The following FAM118B variants were observed in gnomAD, a reference collection of about 807,000 sequenced individuals.
FAM118B encodes SIR2 antiphage like 1, also known as protein FAM118B.
In FAM118B, 24 loss-of-function variants were observed where a neutral mutation model predicts 38.5. The ratio of observed to expected loss-of-function variants is 0.62; its 90% CI spans 0.45 to 0.88. The LOEUF (loss-of-function observed/expected upper bound fraction) is 0.88. FAM118B is among the 40% of genes least tolerant of loss of function. The pLI is 0.00. For missense variants in FAM118B, 334 were observed against 420.0 expected, an observed-to-expected ratio of 0.80 and a Z score of 1.79; for synonymous variants, 138 against 156.3, an observed-to-expected ratio of 0.88 and a Z score of 0.87.
In FAM118B at chr11:126,256,135, G is replaced by A. The variant is rs993671296; in HGVS notation, c.697-432G>A. Among the ~76,000 whole-genome samples the A allele has an allele frequency of 6.6e-5, 10 of 152,144 alleles. No homozygotes were observed. Among genetic ancestry groups the A allele is most frequent in the Non-Finnish European group, 1.2e-4 (8 of 68,020 alleles). ...AACATTCAAAAATTAGCTGGGTGTG[G>A]TGGTGCACACTTGTAATATACTCGG... is the stretch of plus-strand genomic sequence containing the variant. On this transcript the variant is annotated intron_variant, in intron 6 of 8. Coordinates refer to ENST00000533050, the MANE Select transcript of FAM118B (RefSeq NM_024556.4). This position sits in a 1 kb window ranked among gnomAD's most constrained non-coding sequence, Gnocchi z 6.6.
intron 4 of FAM118B, 72 bp downstream of exon 4, chr11:126,241,116 G>T: frequency 1.4e-6 from 2 of 1,465,166 alleles, no homozygotes; most frequent in East Asian, 2.3e-5. Context: ...GCATGATTTG[G>T]CTGTCAAAAC....
At chr11:126,261,563 T>A in intron 8 of FAM118B, 79 bp downstream of exon 8, 1 of 1,261,578 alleles carries the variant, frequency 7.9e-7, no homozygotes, top group Non-Finnish European at 1.1e-6. Flanking sequence ...ATATAGAGAA[T>A]GTTACTTTGG....
chr11:126,239,090 C>T (rs1360656319), intron 3 of FAM118B, among the ~76,000 whole-genome samples: 1 of 150,936 alleles, frequency 6.6e-6, no homozygotes, highest in African/African-American at 2.4e-5. Flanking sequence ...CTCCCGTGAA[C>T]TTAGCCTCCC....
At position 126,261,443 on chromosome 11, in the gene FAM118B, G is replaced by A; in HGVS notation, c.1001G>A (p.Gly334Asp). Residue 334 changes from glycine to aspartate, a missense_variant, in exon 8 of 9, where the codon GGT (glycine) becomes GAT (aspartate). Around this residue, in one of 3 missense-constraint regions of FAM118B, gnomAD observed 88 missense variants for 98.1 expected, o/e 0.90. Coordinates refer to ENST00000533050, the MANE Select transcript of FAM118B (RefSeq NM_024556.4). ...TATTTAGCAGGGATGGTGAGAGAAG[G>A]TCAGCTAAATGGCTCATCTGCAGCA... ...RGTSAGMVREGQLNGSSAAHS... is the reference protein window; with the variant it reads ...RGTSAGMVREDQLNGSSAAHS... 1 of 1,614,054 alleles carries A rather than the reference G, an allele frequency of 6.2e-7. No individual in the cohort carries two copies.
Position 126,262,163 on chromosome 11 carries a change from C to A in FAM118B, c.*30C>A. 1.9e-6 allele frequency: 3 copies of A among 1,612,462 alleles called. No individual in the cohort carries two copies. Among genetic ancestry groups the A allele is most frequent in the Non-Finnish European group, 2.5e-6 (3 of 1,178,584 alleles). On this transcript the variant is annotated 3_prime_UTR_variant, in exon 9 of 9. Coordinates refer to ENST00000533050, the MANE Select transcript of FAM118B (RefSeq NM_024556.4). ...GCTAGAGAAATCACCACCGTTTAGA[C>A]CAAGCTGTAAGGCCCTACTACAGAC...
intron 3 of FAM118B, among the ~76,000 whole-genome samples, chr11:126,236,572 T>C (rs1461843988): frequency 1.3e-5 from 2 of 152,248 alleles, no homozygotes; most frequent in Non-Finnish European, 2.9e-5. Flanking sequence ...TCTTGTCATA[T>C]GAATCTAGAC....
At position 126,226,950 on chromosome 11, in the gene FAM118B, CAA is replaced by C. The variant is rs11320787; in HGVS notation, c.-76-2261_-76-2260del. ...GCCTGGGCAACAGTGAGACCCCGTC[CAA>C]AAAAAAAAAAAAACACCTAGCTAGC... On this transcript the variant is annotated intron_variant, in intron 1 of 8. Coordinates refer to ENST00000533050, the MANE Select transcript of FAM118B (RefSeq NM_024556.4). Among the ~76,000 whole-genome samples the C allele has an allele frequency of 9.8e-3, 1,186 of 121,500 alleles. 17 individuals are homozygous for C. The highest frequency in any genetic ancestry group is 0.027 in the African/African-American group (869 of 32,656). 79.7% of individuals were successfully genotyped at this position (121,500 alleles called of 152,430 possible).
chr11:126,219,349 C>CTTTTTTTTTT lies in FAM118B; in HGVS notation c.-77+7550_-77+7559dup, dbSNP rs549922825. 3.4e-3 allele frequency among the ~76,000 whole-genome samples: 149 copies of CTTTTTTTTTT among 44,466 alleles called. 14 individuals carry two copies. The highest frequency in any genetic ancestry group is 4.3e-3 in the Non-Finnish European group (110 of 25,872). The allele number at this position is 44,466 out of a possible 152,430, so 29.2% of individuals were successfully genotyped here. Reference sequence around the variant, plus strand: ...AGCTTATCCTTCAGCTCTTGTTTATCTTTTTTTTTTTTTTTTTTTTTTTTT... The same window carrying CTTTTTTTTTT: ...AGCTTATCCTTCAGCTCTTGTTTATCTTTTTTTTTTTTTTTTTTTTTTTTTTTTTTTTTTT... On this transcript the variant is annotated intron_variant, in intron 1 of 8. Coordinates refer to ENST00000533050, the MANE Select transcript of FAM118B (RefSeq NM_024556.4).
chr11:126,258,899 G>C (rs1453062132), intron 7 of FAM118B, among the ~76,000 whole-genome samples: 1 of 152,186 alleles, frequency 6.6e-6, no homozygotes, highest in Non-Finnish European at 1.5e-5. Context: ...AGGTTCCTTA[G>C]TGCACTAAGA....
chr11:126,255,317 A>T lies in FAM118B; in HGVS notation c.696+884A>T, dbSNP rs1950560817. On this transcript the variant is annotated intron_variant, in intron 6 of 8. Transcript: ENST00000533050. The surrounding 1 kb of genome is among the most constrained non-coding windows in gnomAD (Gnocchi z 4.6). ...TTTTCAGGACTGGGTCATATAGATT[A>T]TAGCATCTTTTAATAATGAGGCAAA... 6.6e-6 allele frequency among the ~76,000 whole-genome samples: 1 copy of T among 152,202 alleles called. No individual in the cohort carries two copies. Among genetic ancestry groups the T allele is most frequent in the African/African-American group, 2.4e-5 (1 of 41,448 alleles).
chr11:126,246,386 G>C (rs139893660), intron 4 of FAM118B, among the ~76,000 whole-genome samples: 1 of 152,218 alleles, frequency 6.6e-6, no homozygotes, highest in Non-Finnish European at 1.5e-5. Context: ...AAGAGCTTAG[G>C]TTTTGGAATC....
intron 7 of FAM118B, among the ~76,000 whole-genome samples, chr11:126,257,400 T>A (rs1172610089): frequency 6.6e-6 from 1 of 152,124 alleles, no homozygotes; most frequent in Non-Finnish European, 1.5e-5. Context: ...TTCCATTGAA[T>A]GTAGTGGCAA....
At chr11:126,241,157 T>G in intron 4 of FAM118B, 113 bp downstream of exon 4, 1 of 1,146,972 alleles carries the variant, frequency 8.7e-7, no homozygotes, top group Non-Finnish European at 1.2e-6. Flanking sequence ...GGATATTCAT[T>G]TACAGCTTGT....
intron 7 of FAM118B, among the ~76,000 whole-genome samples, chr11:126,257,620 T>TC (rs1349323679): frequency 1.3e-5 from 2 of 151,902 alleles, no homozygotes; most frequent in East Asian, 3.9e-4. Flanking sequence ...TTTTTTTTTT[T>TC]TGGTGCGTGT....
rs937811432 is a variant in FAM118B, at chr11:126,261,581, A to G, written c.1042+97A>G. ...TAGAGAATGTTACTTTGGACCTCAC[A>G]TTGCCAAATTTTAAAAAACACTGTA... On this transcript the variant is annotated intron_variant, in intron 8 of 8. Coordinates refer to ENST00000533050, the MANE Select transcript of FAM118B (RefSeq NM_024556.4). 9.3e-6 allele frequency: 9 copies of G among 966,222 alleles called. No individual in the cohort carries two copies. In the East Asian group the frequency reaches 1.8e-4, roughly 19 times the overall value. The allele number at this position is 966,222 out of a possible 1,614,324, so 59.9% of individuals were successfully genotyped here. A position where few individuals can be genotyped will look rare whatever the true frequency, so the allele number is the denominator to read the frequency against.
chr11:126,211,829 C>T lies in FAM118B; in HGVS notation c.-78C>T, dbSNP rs994672021. 4 of 619,556 alleles carry T rather than the reference C, an allele frequency of 6.5e-6. No homozygotes were observed. The highest frequency in any genetic ancestry group is 5.5e-5 in the African/African-American group (3 of 54,118). The allele number at this position is 619,556 out of a possible 1,614,324, so 38.4% of individuals were successfully genotyped here. A position where few individuals can be genotyped will look rare whatever the true frequency, so the allele number is the denominator to read the frequency against. On this transcript the variant is annotated splice_region_variant and 5_prime_UTR_variant, in exon 1 of 9. Coordinates refer to ENST00000533050, the MANE Select transcript of FAM118B (RefSeq NM_024556.4). Reference sequence around the variant, plus strand: ...GGAGCAGTGGCGTTTGGAGGAGACTCGGTGAGTGTGTAGGGAAGCCGGGCT... The same window carrying T: ...GGAGCAGTGGCGTTTGGAGGAGACTTGGTGAGTGTGTAGGGAAGCCGGGCT...
At chr11:126,213,543 T>A (rs1004801151) in intron 1 of FAM118B, among the ~76,000 whole-genome samples, 1 of 152,226 alleles carries the variant, frequency 6.6e-6, no homozygotes, top group Admixed American at 6.5e-5. Flanking sequence ...CACATATTAC[T>A]TAGATACTTG....
intron 1 of FAM118B, among the ~76,000 whole-genome samples, chr11:126,227,939 A>T (rs1254979979): frequency 6.6e-6 from 1 of 151,576 alleles, no homozygotes; most frequent in African/African-American, 2.4e-5. Context: ...AGCTGGAACT[A>T]TAGGCATGCA....
chr11:126,238,844 T>C (rs1950316462), intron 3 of FAM118B, among the ~76,000 whole-genome samples: 1 of 152,028 alleles, frequency 6.6e-6, no homozygotes, highest in African/African-American at 2.4e-5. Flanking sequence ...TTGTCTGCTG[T>C]CATCTTTACC....
Sources: allele counts gnomAD v4.1 joint callset (sites outside exome capture counted in the v4.1 genomes callset), GRCh38; gene constraint gnomAD v4.1.1; regional missense constraint gnomAD v4.1.1; non-coding constraint Gnocchi (gnomAD v3.1); transcripts MANE v1.5; gene names NCBI Gene and HGNC (gene_info 2026-07-23, HGNC 2026-07-21).